WWC1: variants seen among roughly 807,000 people sequenced by gnomAD.
WWC1 encodes the protein protein KIBRA.
Under a neutral mutation model 138.4 loss-of-function variants are expected in WWC1, and 55 were observed. The ratio of observed to expected loss-of-function variants is 0.40; its 90% CI spans 0.32 to 0.50. The LOEUF is 0.50. Among genes scored for constraint, WWC1 ranks in the 20% least tolerant of loss-of-function variants. The pLI is 0.72. For missense variants in WWC1, 1,226 were observed against 1,420.4 expected (o/e 0.86, Z 2.20); for synonymous variants, 524 against 564.9 (o/e 0.93, Z 1.03).
intron 3 of WWC1, among the ~76,000 whole-genome samples, chr5:168,397,002 GAA>G (rs1778953529): frequency 6.6e-6 from 1 of 151,420 alleles, no homozygotes; most frequent in African/African-American, 2.4e-5. Context: ...TTTAAAAAAA[GAA>G]AAGATAAAAA....
intron 1 of WWC1, among the ~76,000 whole-genome samples, chr5:168,363,561 G>GT (rs1195542226): frequency 2.0e-5 from 3 of 148,250 alleles, no homozygotes; most frequent in Non-Finnish European, 4.5e-5. Context: ...GGTTTAAGCA[G>GT]TCCCAGCTCC....
intron 1 of WWC1, among the ~76,000 whole-genome samples, chr5:168,299,527 C>T (rs184127235): frequency 3.0e-4 from 46 of 152,316 alleles, no homozygotes; most frequent in Non-Finnish European, 6.2e-4. Flanking sequence ...TGGGTAAATG[C>T]TCCCAACAGC....
At chr5:168,445,418 G>A (rs1755160349) in intron 17 of WWC1, among the ~76,000 whole-genome samples, 2 of 151,558 alleles carry the variant, frequency 1.3e-5, no homozygotes. Flanking sequence ...TAATGGGAGA[G>A]GCCAGGCGTG....
chr5:168,452,598 C>CAG (rs1439147613), intron 17 of WWC1, among the ~76,000 whole-genome samples: 5 of 152,184 alleles, frequency 3.3e-5, no homozygotes, highest in Non-Finnish European at 5.9e-5. Context: ...TTTAACCCAC[C>CAG]TAGTAAGTGG....
rs953629771 is a variant in WWC1 at position 168,414,409 on chromosome 5, G to A, written c.1003G>A (p.Asp335Asn). The A allele has an allele frequency of 6.9e-6, 11 of 1,605,808 alleles. No individual in the cohort carries two copies. The highest frequency in any genetic ancestry group is 6.8e-6 in the Non-Finnish European group (8 of 1,175,948). ...LDSEAWPGVL[D>N]SERDRLILIN... The stretch of plus-strand genomic sequence containing the variant: ...CAGTGAGGCCTGGCCTGGGGTGCTG[G>A]ACTCAGAGAGGGACCGGCTGATCCT... The change falls in exon 9 of 23, where the codon GAC becomes AAC. Residue 335 changes from aspartate (D) to asparagine (N), a missense_variant. Coordinates refer to ENST00000265293, the MANE Select transcript of WWC1 (RefSeq NM_015238.3).
At chr5:168,418,340 G>A (rs892758337) in intron 9 of WWC1, among the ~76,000 whole-genome samples, 7 of 152,242 alleles carry the variant, frequency 4.6e-5, no homozygotes, top group African/African-American at 1.7e-4. Context: ...ACTTGCTAGC[G>A]CACAGGCTCC....
chr5:168,441,641 C>G (rs896136702), intron 15 of WWC1, 41 bp from the exon 16 acceptor site: 9 of 1,598,208 alleles, frequency 5.6e-6, no homozygotes, highest in Admixed American at 1.7e-5. Context: ...TGGTGTCCCC[C>G]CCACCGCCAC....
At chr5:168,368,873 T>G (rs1561667976) in intron 1 of WWC1, among the ~76,000 whole-genome samples, 1 of 152,154 alleles carries the variant, frequency 6.6e-6, no homozygotes. Flanking sequence ...GGAGACGGCT[T>G]TGGGGAAACT....
In WWC1 at chr5:168,309,955, G is replaced by A. The variant is rs115888207; in HGVS notation, c.119+17684G>A. On this transcript the variant is annotated intron_variant, in intron 1 of 22. Transcript: ENST00000265293. The stretch of plus-strand genomic sequence containing the variant: ...TCCCATTCTGGTCTCAAACAACTTC[G>A]CCTCTTGCCTTTTCTGCCATTACCA... Among the ~76,000 whole-genome samples, 965 of 152,196 alleles carry A rather than the reference G, an allele frequency of 6.3e-3. 8 individuals carry two copies. Among genetic ancestry groups the A allele is most frequent in the African/African-American group, 0.022 (914 of 41,516 alleles).
intron 6 of WWC1, among the ~76,000 whole-genome samples, chr5:168,407,786 T>A (rs192653969): frequency 7.9e-5 from 12 of 152,324 alleles, no homozygotes; most frequent in Non-Finnish European, 1.5e-4. Flanking sequence ...GAGTATGGGC[T>A]GTATTCACTA....
intron 1 of WWC1, among the ~76,000 whole-genome samples, chr5:168,319,043 TAATC>T (rs1771844917): frequency 6.6e-6 from 1 of 152,256 alleles, no homozygotes; most frequent in Non-Finnish European, 1.5e-5. Context: ...GACGTCTTGT[TAATC>T]AGTTCATCTG....
intron 2 of WWC1, among the ~76,000 whole-genome samples, chr5:168,384,733 T>TTTTTTTTTG (rs1554101623): frequency 6.9e-6 from 1 of 144,472 alleles, no homozygotes; most frequent in African/African-American, 2.6e-5. Context: ...TTTTTTTTTT[T>TTTTTTTTTG]TTCAGACAGA....
chr5:168,359,071 T>TGTGTGTGTGTGTG (rs1775685840), intron 1 of WWC1, among the ~76,000 whole-genome samples: 1 of 142,010 alleles, frequency 7.0e-6, no homozygotes, highest in African/African-American at 2.6e-5. Context: ...TGTGTGTGTG[T>TGTGTGTGTGTGTG]TCGAGACAGA....
intron 1 of WWC1, among the ~76,000 whole-genome samples, chr5:168,303,535 A>G (rs1770280385): frequency 6.6e-6 from 1 of 152,132 alleles, no homozygotes; most frequent in Admixed American, 6.5e-5. Flanking sequence ...CTTGATCTCA[A>G]GAGGTCAAGG....
chr5:168,325,761 T>C (rs966178184), intron 1 of WWC1, among the ~76,000 whole-genome samples: 3 of 152,168 alleles, frequency 2.0e-5, no homozygotes, highest in Non-Finnish European at 4.4e-5. Context: ...ACCATCCATC[T>C]CCAGAACTCT....
intron 11 of WWC1, among the ~76,000 whole-genome samples, chr5:168,425,686 G>A (rs1023586828): frequency 6.6e-5 from 10 of 151,380 alleles, no homozygotes; most frequent in Admixed American, 1.3e-4. Flanking sequence ...TTTAGTAGAG[G>A]CGGGCTTTCA....
chr5:168,346,597 A>G (rs1274860905), intron 1 of WWC1, among the ~76,000 whole-genome samples: 2 of 152,216 alleles, frequency 1.3e-5, no homozygotes, highest in Admixed American at 6.5e-5. Flanking sequence ...TACAAGACTC[A>G]TTTGAATACC....
At chr5:168,361,166 G>A (rs1253722309) in intron 1 of WWC1, among the ~76,000 whole-genome samples, 1 of 152,182 alleles carries the variant, frequency 6.6e-6, no homozygotes, top group Non-Finnish European at 1.5e-5. Flanking sequence ...TCAGACCTGG[G>A]GGAAGGAATG....
chr5:168,313,539 C>T (rs78798183), intron 1 of WWC1, among the ~76,000 whole-genome samples: 2 of 151,104 alleles, frequency 1.3e-5, no homozygotes, highest in Non-Finnish European at 1.5e-5. Flanking sequence ...TGCAGTGAGC[C>T]GAGATTGCAC....
Sources: gnomAD v4.1 joint callset for allele counts (sites outside exome capture counted in the v4.1 genomes callset) on GRCh38, gnomAD v4.1.1 for gene constraint, MANE v1.5 for transcripts, NCBI Gene and HGNC (gene_info 2026-07-23, HGNC 2026-07-21) for gene names.